The following SGCZ variants were observed in gnomAD, a reference collection of about 807,000 sequenced individuals.
SGCZ encodes the protein zeta-sarcoglycan.
In SGCZ, 40 loss-of-function variants were observed where a neutral mutation model predicts 41.3. That is an observed-to-expected ratio of 0.97 (90% confidence interval 0.75 to 1.26). The LOEUF (loss-of-function observed/expected upper bound fraction) is 1.26, where lower values mean the gene tolerates loss of function less well. Ranked by LOEUF, SGCZ falls within the 50% of genes most tolerant of loss-of-function variation. The probability of loss-of-function intolerance (pLI) is 0.00; values close to 1 mark genes in which losing one functional copy is unlikely to be tolerated. For synonymous variants in SGCZ, 206 were observed against 137.5 expected, an observed-to-expected ratio of 1.50 and a Z score of -3.49; for missense variants, 552 against 369.8, an observed-to-expected ratio of 1.49 and a Z score of -4.04.
intron 1 of SGCZ, among the ~76,000 whole-genome samples, chr8:14,854,021 TTA>T (rs10604213): frequency 0.083 from 8,933 of 107,488 alleles, 312 homozygotes; most frequent in Middle Eastern, 0.11. Context: ...TGTGATTATA[TTA>T]TATATATATA....
chr8:14,454,289 T>A (rs969087296), intron 2 of SGCZ, among the ~76,000 whole-genome samples: 2 of 152,094 alleles, frequency 1.3e-5, no homozygotes, highest in Non-Finnish European at 2.9e-5. Context: ...AATCTGGACT[T>A]TAGGAACTGG....
At chr8:14,950,649 C>T (rs1362600545) in intron 1 of SGCZ, among the ~76,000 whole-genome samples, 2 of 151,728 alleles carry the variant, frequency 1.3e-5, no homozygotes, top group Admixed American at 6.6e-5. Context: ...AATCATAGTT[C>T]AGAAAAAAAT....
chr8:15,202,636 A>C (rs1800925792), intron 1 of SGCZ, among the ~76,000 whole-genome samples: 1 of 151,628 alleles, frequency 6.6e-6, no homozygotes, highest in East Asian at 1.9e-4. Context: ...CCTGTTCCCC[A>C]AAAACCTATT....
At chr8:14,491,002 T>C (rs1192033672) in intron 2 of SGCZ, among the ~76,000 whole-genome samples, 1 of 152,208 alleles carries the variant, frequency 6.6e-6, no homozygotes, top group Non-Finnish European at 1.5e-5. Flanking sequence ...ATTATTCCTG[T>C]CTCATTCTAC....
At chr8:14,555,647 C>T (rs1563408205) in intron 1 of SGCZ, among the ~76,000 whole-genome samples, 1 of 152,016 alleles carries the variant, frequency 6.6e-6, no homozygotes, top group Non-Finnish European at 1.5e-5. Context: ...TAGATGAATA[C>T]ACCAAGCTAC....
intron 3 of SGCZ, among the ~76,000 whole-genome samples, chr8:14,256,221 T>C (rs1257145178): frequency 6.6e-6 from 1 of 152,150 alleles, no homozygotes; most frequent in Admixed American, 6.5e-5. Flanking sequence ...TTTACTTTAA[T>C]AAATTCATTA....
In SGCZ at chr8:14,550,241, G is replaced by A. The variant is rs151159874; in HGVS notation, c.234+4491C>T. On this transcript the variant is annotated intron_variant, in intron 2 of 7. Coordinates refer to ENST00000382080, the MANE Select transcript of SGCZ (RefSeq NM_139167.4). The stretch of plus-strand genomic sequence containing the variant: ...ATAAATGAATTACAGCTGCACAAGC[G>A]ATAATATATATTTTGTGCTAAAAAC... Among the ~76,000 whole-genome samples, 10 of 151,712 alleles carry A rather than the reference G, an allele frequency of 6.6e-5. 1 individual carries two copies. The South Asian group carries it at 1.7e-3, about 25-fold the overall frequency.
chr8:14,446,322 C>T (rs1485170509), intron 2 of SGCZ, among the ~76,000 whole-genome samples: 2 of 152,196 alleles, frequency 1.3e-5, no homozygotes, highest in Non-Finnish European at 2.9e-5. Flanking sequence ...AAAATCTTCT[C>T]TAGTGTCAGT....
chr8:14,779,435 A>G (rs1800515274), intron 1 of SGCZ, among the ~76,000 whole-genome samples: 1 of 152,110 alleles, frequency 6.6e-6, no homozygotes, highest in South Asian at 2.1e-4. Flanking sequence ...CAAGCCTTCA[A>G]ATGATTGCAA....
intron 1 of SGCZ, among the ~76,000 whole-genome samples, chr8:14,987,281 T>C (rs995143209): frequency 4.6e-5 from 7 of 151,928 alleles, no homozygotes; most frequent in Admixed American, 3.3e-4. Flanking sequence ...ATCAAAACAC[T>C]AAAAATTTCC....
intron 1 of SGCZ, among the ~76,000 whole-genome samples, chr8:14,908,601 T>C (rs1336353423): frequency 6.6e-6 from 1 of 151,762 alleles, no homozygotes; most frequent in Non-Finnish European, 1.5e-5. Flanking sequence ...TACACAAAAA[T>C]TAGCCGGGCG....
At chr8:14,922,358 G>A (rs1038874014) in intron 1 of SGCZ, among the ~76,000 whole-genome samples, 1 of 152,134 alleles carries the variant, frequency 6.6e-6, no homozygotes, top group Non-Finnish European at 1.5e-5. Flanking sequence ...GCACTCAGAT[G>A]TGCTTACAGA....
At chr8:14,238,969 G>GTA (rs1003898721) in intron 3 of SGCZ, among the ~76,000 whole-genome samples, 4 of 150,608 alleles carry the variant, frequency 2.7e-5, no homozygotes, top group African/African-American at 7.3e-5. Flanking sequence ...AGATATATAT[G>GTA]TATATATATA....
At chr8:14,241,698 T>C (rs557726924) in intron 3 of SGCZ, among the ~76,000 whole-genome samples, 50 of 152,190 alleles carry the variant, frequency 3.3e-4, no homozygotes, top group Admixed American at 6.5e-4. Context: ...CCTTCTTATG[T>C]CACTCTTTAG....
intron 4 of SGCZ, among the ~76,000 whole-genome samples, chr8:14,213,796 C>T (rs1479754756): frequency 6.6e-6 from 1 of 151,944 alleles, no homozygotes; most frequent in Non-Finnish European, 1.5e-5. Context: ...TGTAAAAGAT[C>T]ATGGGACCTA....
At chr8:14,593,500 A>G (rs1805306730) in intron 1 of SGCZ, among the ~76,000 whole-genome samples, 1 of 152,168 alleles carries the variant, frequency 6.6e-6, no homozygotes, top group Admixed American at 6.5e-5. Flanking sequence ...GGAAACAAAC[A>G]CACCTGCTTT....
intron 3 of SGCZ, among the ~76,000 whole-genome samples, chr8:14,313,924 G>GCC: frequency 7.3e-6 from 1 of 136,558 alleles, no homozygotes; most frequent in African/African-American, 2.5e-5. Context: ...GTGTGTGTGT[G>GCC]TGTGTGTGTG....
chr8:14,911,379 C>T (rs1326544294), intron 1 of SGCZ, among the ~76,000 whole-genome samples: 1 of 151,956 alleles, frequency 6.6e-6, no homozygotes, highest in African/African-American at 2.4e-5. Context: ...TAGGAAAAGA[C>T]AGCATCAAAA....
chr8:14,155,797 G>A (rs928676263), intron 5 of SGCZ, among the ~76,000 whole-genome samples: 1 of 151,744 alleles, frequency 6.6e-6, no homozygotes, highest in Non-Finnish European at 1.5e-5. Flanking sequence ...TGCATCATTT[G>A]GTGATTTCGC....
Sources: gnomAD v4.1 joint callset for allele counts (sites outside exome capture counted in the v4.1 genomes callset) on GRCh38, gnomAD v4.1.1 for gene constraint, MANE v1.5 for transcripts, NCBI Gene and HGNC (gene_info 2026-07-23, HGNC 2026-07-21) for gene names.